Variants in NME7 observed in about 807,000 individuals in gnomAD.
NME7 encodes the protein NME/NM23 family member 7, also known as nucleoside diphosphate kinase 7.
In NME7, 41 loss-of-function variants were observed where a neutral mutation model predicts 49.1. The observed-to-expected ratio is 0.83, with a 90% CI of 0.65 to 1.08. NME7 has a LOEUF of 1.08. Ranked by LOEUF, NME7 falls within the 50% of genes least tolerant of loss-of-function variation. The pLI is 0.00. For missense variants in NME7, 423 were observed against 463.4 expected, an observed-to-expected ratio of 0.91 and a Z score of 0.80; for synonymous variants, 139 against 150.6, an observed-to-expected ratio of 0.92 and a Z score of 0.56.
At chr1:169,288,534 T>C (rs959872679) in intron 6 of NME7, among the ~76,000 whole-genome samples, 2 of 152,196 alleles carry the variant, frequency 1.3e-5, no homozygotes, top group Non-Finnish European at 2.9e-5. Flanking sequence ...GTGTTGTTTA[T>C]GGATCAACTG....
At position 169,247,936 on chromosome 1, in the gene NME7, C is replaced by T. The variant is rs548672859; in HGVS notation, c.755-10249G>A. 3.3e-5 allele frequency among the ~76,000 whole-genome samples: 5 copies of T among 152,074 alleles called. No individual in the cohort carries two copies. In the South Asian group the frequency reaches 8.3e-4, roughly 25 times the overall value. On this transcript the variant is annotated intron_variant, in intron 7 of 11. Transcript: ENST00000367811. ...ACGTTTGCAACTGTGAATTGTGTTG[C>T]AATAAACATATGCGTGCAAGTGTCT...
chr1:169,194,606 A>G (rs1660322065), intron 10 of NME7, among the ~76,000 whole-genome samples: 2 of 152,192 alleles, frequency 1.3e-5, no homozygotes, highest in Non-Finnish European at 2.9e-5. Context: ...CCAACTGCTC[A>G]GCTTATTGGG....
chr1:169,146,695 C>T (rs1270009282), intron 11 of NME7, among the ~76,000 whole-genome samples: 1 of 152,208 alleles, frequency 6.6e-6, no homozygotes, highest in Admixed American at 6.5e-5. Context: ...CTTCCTTCCA[C>T]AGCCATTTGT....
rs189685101 is a variant in NME7 at position 169,338,111 on chromosome 1, G to A, written c.4-13611C>T. Among the ~76,000 whole-genome samples, 44 of 152,290 alleles carry A rather than the reference G, an allele frequency of 2.9e-4. 2 individuals are homozygous for A. The East Asian group carries it at 4.6e-3, about 16-fold the overall frequency. On this transcript the variant is annotated intron_variant, in intron 1 of 11. Coordinates refer to ENST00000367811, the MANE Select transcript of NME7 (RefSeq NM_013330.5). ...ATTATAACAGAAGGAAAAGTTAGGT[G>A]AATCATTAAATTTAGTTAGCTATCC...
intron 4 of NME7, among the ~76,000 whole-genome samples, chr1:169,306,443 C>A (rs942819502): frequency 6.6e-6 from 1 of 151,998 alleles, no homozygotes; most frequent in Non-Finnish European, 1.5e-5. Flanking sequence ...ACGTTGAAAG[C>A]CTGAATATGA....
intron 10 of NME7, among the ~76,000 whole-genome samples, chr1:169,173,162 C>G (rs889936557): frequency 3.9e-5 from 6 of 152,116 alleles, no homozygotes; most frequent in Middle Eastern, 3.2e-3. Flanking sequence ...CTCTCTATGC[C>G]TGCTTTAATG....
At chr1:169,296,725 C>T (rs533350447) in intron 6 of NME7, among the ~76,000 whole-genome samples, 1 of 149,068 alleles carries the variant, frequency 6.7e-6, no homozygotes, top group Admixed American at 6.7e-5. Context: ...TTTCAGTTTA[C>T]GTAAATTCTA....
rs542915322 is a variant in NME7, at chr1:169,291,570, G to T, written c.649-4162C>A. On this transcript the variant is annotated intron_variant, in intron 6 of 11. Coordinates refer to ENST00000367811, the MANE Select transcript of NME7 (RefSeq NM_013330.5). ...TAATGTAGATGATGGGGTGATGGGTGCAGCAAACCACCATGGCACGTGTAT... is the reference window on the plus strand; with the variant it reads ...TAATGTAGATGATGGGGTGATGGGTTCAGCAAACCACCATGGCACGTGTAT... Among the ~76,000 whole-genome samples, 6 of 152,046 alleles carry T rather than the reference G, an allele frequency of 3.9e-5. No homozygotes were observed. The South Asian group carries it at 1.2e-3, about 32-fold the overall frequency.
At chr1:169,336,765 TG>T (rs1292103752) in intron 1 of NME7, among the ~76,000 whole-genome samples, 2 of 149,166 alleles carry the variant, frequency 1.3e-5, no homozygotes, top group Non-Finnish European at 3.0e-5. Flanking sequence ...AGCTAAACAC[TG>T]GGTGCTGATT....
intron 7 of NME7, among the ~76,000 whole-genome samples, chr1:169,281,392 C>A (rs1650006377): frequency 6.6e-6 from 1 of 152,206 alleles, no homozygotes; most frequent in African/African-American, 2.4e-5. Flanking sequence ...ATAATGTCAT[C>A]TGTAAACAGA....
chr1:169,258,662 C>T (rs998474124), intron 7 of NME7, among the ~76,000 whole-genome samples: 1 of 131,284 alleles, frequency 7.6e-6, no homozygotes, highest in African/African-American at 2.6e-5. Context: ...TAAAAATAGA[C>T]TAATACCACA....
intron 8 of NME7, among the ~76,000 whole-genome samples, chr1:169,237,146 A>G (rs769132282): frequency 1.2e-4 from 18 of 152,062 alleles, no homozygotes; most frequent in Non-Finnish European, 2.5e-4. Flanking sequence ...AGTTGCTAGA[A>G]TACACTAACT....
chr1:169,261,061 T>C (rs1649143737), intron 7 of NME7, among the ~76,000 whole-genome samples: 1 of 132,680 alleles, frequency 7.5e-6, no homozygotes, highest in Non-Finnish European at 1.8e-5. Context: ...CTCTGAATCT[T>C]AAAATAGAAA....
intron 1 of NME7, among the ~76,000 whole-genome samples, chr1:169,353,859 TCA>T (rs1653279204): frequency 6.6e-6 from 1 of 152,062 alleles, no homozygotes; most frequent in Admixed American, 6.6e-5. Flanking sequence ...AGGTATCACC[TCA>T]CCCCATTTTA....
chr1:169,183,367 T>A (rs1659977107), intron 10 of NME7, among the ~76,000 whole-genome samples: 2 of 152,222 alleles, frequency 1.3e-5, no homozygotes, highest in African/African-American at 4.8e-5. Flanking sequence ...TATTATATAT[T>A]TTAAATATAT....
intron 7 of NME7, among the ~76,000 whole-genome samples, chr1:169,252,003 T>C (rs1208576456): frequency 6.7e-6 from 1 of 149,934 alleles, no homozygotes; most frequent in Non-Finnish European, 1.5e-5. Flanking sequence ...CTATGGTGAA[T>C]AATGCCGCAA....
At chr1:169,333,087 A>ATG (rs959750603) in intron 1 of NME7, among the ~76,000 whole-genome samples, 4 of 152,346 alleles carry the variant, frequency 2.6e-5, no homozygotes, top group Admixed American at 1.3e-4. Flanking sequence ...AATAAAGAAA[A>ATG]TGTGGTACAT....
intron 11 of NME7, among the ~76,000 whole-genome samples, chr1:169,153,021 T>C (rs1029179907): frequency 9.9e-5 from 15 of 152,132 alleles, no homozygotes; most frequent in African/African-American, 3.6e-4. Context: ...GGCACTTGAA[T>C]TGAAACACTT....
At chr1:169,313,926 CAAT>C (rs1651509631) in intron 3 of NME7, among the ~76,000 whole-genome samples, 1 of 151,694 alleles carries the variant, frequency 6.6e-6, no homozygotes, top group South Asian at 2.1e-4. Context: ...GATGAAAATA[CAAT>C]AATGAAAATG....
Sources: allele counts gnomAD v4.1 joint callset (sites outside exome capture counted in the v4.1 genomes callset), GRCh38; gene constraint gnomAD v4.1.1; transcripts MANE v1.5; gene names NCBI Gene and HGNC (gene_info 2026-07-23, HGNC 2026-07-21).